Variants in GALNTL6 observed in about 807,000 individuals in gnomAD.
The protein encoded by GALNTL6 is polypeptide N-acetylgalactosaminyltransferase like 6.
Under a neutral mutation model 73.7 loss-of-function variants are expected in GALNTL6, and 46 were observed. The observed-to-expected ratio is 0.62, with a 90% CI of 0.49 to 0.80. GALNTL6 has a LOEUF of 0.80. Ranked by LOEUF, GALNTL6 falls within the 30% of genes least tolerant of loss-of-function variation. GALNTL6 has a pLI of 0.00. For missense variants in GALNTL6, 604 were observed against 755.0 expected (o/e 0.80, Z 2.34); for synonymous variants, 259 against 263.7 (o/e 0.98, Z 0.17).
intron 10 of GALNTL6, among the ~76,000 whole-genome samples, chr4:172,963,781 C>T (rs929113890): frequency 4.6e-5 from 7 of 152,180 alleles, no homozygotes; most frequent in African/African-American, 7.2e-5. Flanking sequence ...CATGAACAGT[C>T]GGGTCTGTGG....
At chr4:172,540,023 G>T (rs1735492328) in intron 5 of GALNTL6, among the ~76,000 whole-genome samples, 2 of 148,434 alleles carry the variant, frequency 1.3e-5, no homozygotes, top group Non-Finnish European at 3.0e-5. Flanking sequence ...AGGTCATACA[G>T]CTAGCAGTGA....
At chr4:172,728,226 A>T (rs1162423648) in intron 5 of GALNTL6, among the ~76,000 whole-genome samples, 1 of 152,174 alleles carries the variant, frequency 6.6e-6, no homozygotes, top group South Asian at 2.1e-4. Flanking sequence ...TGTACAATTC[A>T]GTGGTAATAA....
intron 2 of GALNTL6, among the ~76,000 whole-genome samples, chr4:172,003,270 A>G (rs1299849094): frequency 1.3e-5 from 2 of 152,154 alleles, no homozygotes; most frequent in Admixed American, 1.3e-4. Context: ...CATTACACAC[A>G]TCTATCAAGA....
At chr4:172,748,221 G>A (rs1259449659) in intron 5 of GALNTL6, among the ~76,000 whole-genome samples, 1 of 152,088 alleles carries the variant, frequency 6.6e-6, no homozygotes, top group Non-Finnish European at 1.5e-5. Flanking sequence ...GAGGGTGGAC[G>A]GAGCCTCTCC....
chr4:171,982,342 G>T (rs1470891849), intron 2 of GALNTL6, among the ~76,000 whole-genome samples: 1 of 152,136 alleles, frequency 6.6e-6, no homozygotes, highest in Non-Finnish European at 1.5e-5. Flanking sequence ...CTGTCACCCA[G>T]GCTGGAGTGC....
At chr4:172,687,579 G>A (rs1228839890) in intron 5 of GALNTL6, among the ~76,000 whole-genome samples, 1 of 145,052 alleles carries the variant, frequency 6.9e-6, no homozygotes, top group Non-Finnish European at 1.5e-5. Flanking sequence ...AGTGAGCCAA[G>A]ATCGCGCCAC....
chr4:171,939,071 A>G (rs1738441359), intron 2 of GALNTL6, among the ~76,000 whole-genome samples: 2 of 133,862 alleles, frequency 1.5e-5, no homozygotes, highest in Admixed American at 1.7e-4. Context: ...TGCCTTCACC[A>G]AAAAAACAGA....
At chr4:172,007,723 C>T (rs1467525360) in intron 2 of GALNTL6, among the ~76,000 whole-genome samples, 2 of 152,088 alleles carry the variant, frequency 1.3e-5, no homozygotes. Flanking sequence ...CTATTCTGGG[C>T]ATTTAAATGT....
rs563328903 is a variant in GALNTL6 at position 172,222,899 on chromosome 4, C to T, written c.139-6757C>T. Among the ~76,000 whole-genome samples, 3 of 151,850 alleles carry T rather than the reference C, an allele frequency of 2.0e-5. No homozygotes were observed. In the East Asian group the frequency reaches 5.8e-4, roughly 29 times the overall value. Reference sequence around the variant, plus strand: ...TGATTAAGACTGACATAAGCTTGGCCCGAGTTTTTGGACTAGTAACTGAAG... The same window carrying T: ...TGATTAAGACTGACATAAGCTTGGCTCGAGTTTTTGGACTAGTAACTGAAG... On this transcript the variant is annotated intron_variant, in intron 2 of 12. Transcript: ENST00000506823.
At chr4:171,993,767 C>A (rs574373253) in intron 2 of GALNTL6, among the ~76,000 whole-genome samples, 1 of 151,162 alleles carries the variant, frequency 6.6e-6, no homozygotes, top group South Asian at 2.1e-4. Flanking sequence ...GTGCTGGGAG[C>A]ATGGAAAACT....
At position 172,042,864 on chromosome 4, in the gene GALNTL6, TAAAAAAAAAAAAAAAAA is replaced by T. The variant is rs397996272; in HGVS notation, c.139-186781_139-186765del. On this transcript the variant is annotated intron_variant, in intron 2 of 12. Coordinates refer to ENST00000506823, the MANE Select transcript of GALNTL6 (RefSeq NM_001034845.3). ...GTTCTATCCGAGCAATCTTTAACAG[TAAAAAAAAAAAAAAAAA>T]AAAAAAAAAAGGTAATTATTGTGAT... Among the ~76,000 whole-genome samples, 4 of 44,400 alleles carry T rather than the reference TAAAAAAAAAAAAAAAAA, an allele frequency of 9.0e-5. No individual in the cohort carries two copies. The East Asian group carries it at 2.6e-3, about 29-fold the overall frequency. 29.1% of individuals were successfully genotyped at this position (44,400 alleles called of 152,430 possible). A position where few individuals can be genotyped will look rare whatever the true frequency, so the allele number is the denominator to read the frequency against.
intron 5 of GALNTL6, among the ~76,000 whole-genome samples, chr4:172,735,490 C>T (rs1271170621): frequency 2.0e-5 from 3 of 152,072 alleles, no homozygotes; most frequent in South Asian, 2.1e-4. Context: ...TTTATAGGCT[C>T]GTAGGCAGAA....
chr4:172,587,889 G>A (rs116555399), intron 5 of GALNTL6, among the ~76,000 whole-genome samples: 203 of 152,242 alleles, frequency 1.3e-3, no homozygotes, highest in Admixed American at 3.8e-3. Context: ...GCCCAAGGCT[G>A]GCCATGGCAT....
intron 10 of GALNTL6, among the ~76,000 whole-genome samples, chr4:172,965,510 G>A (rs767315840): frequency 9.9e-5 from 15 of 152,042 alleles, no homozygotes; most frequent in Non-Finnish European, 1.6e-4. Flanking sequence ...GTGAACCCAG[G>A]AGGCAGAGCT....
chr4:171,991,003 A>G (rs1740315682), intron 2 of GALNTL6, among the ~76,000 whole-genome samples: 1 of 152,210 alleles, frequency 6.6e-6, no homozygotes, highest in Non-Finnish European at 1.5e-5. Flanking sequence ...CAAGCTTATG[A>G]CTATCGATGT....
intron 5 of GALNTL6, among the ~76,000 whole-genome samples, chr4:172,358,346 A>G (rs1396222): frequency 0.81 from 122,797 of 152,246 alleles, 50,429 homozygotes; most frequent in Non-Finnish European, 0.88. Flanking sequence ...ATATAGAGAA[A>G]AGACAGCAGG....
intron 5 of GALNTL6, among the ~76,000 whole-genome samples, chr4:172,366,437 T>C (rs1476875931): frequency 6.6e-6 from 1 of 152,188 alleles, no homozygotes; most frequent in Non-Finnish European, 1.5e-5. Flanking sequence ...AGATATATAA[T>C]AATTTTATTC....
In GALNTL6 at chr4:171,915,223, A is replaced by T. The variant is rs546553611; in HGVS notation, c.138+100505A>T. Among the ~76,000 whole-genome samples the T allele has an allele frequency of 3.3e-5, 5 of 152,298 alleles. No homozygotes were observed. The East Asian group carries it at 7.7e-4, about 24-fold the overall frequency. ...TTATGTAATTAATGAGCATTGGAAGACAAAAGACTCCAGCTTTACTTCTGC... is the reference window on the plus strand; with the variant it reads ...TTATGTAATTAATGAGCATTGGAAGTCAAAAGACTCCAGCTTTACTTCTGC... On this transcript the variant is annotated intron_variant, in intron 2 of 12. Coordinates refer to ENST00000506823, the MANE Select transcript of GALNTL6 (RefSeq NM_001034845.3).
At chr4:171,953,078 A>G (rs1266199934) in intron 2 of GALNTL6, among the ~76,000 whole-genome samples, 1 of 152,202 alleles carries the variant, frequency 6.6e-6, no homozygotes, top group East Asian at 1.9e-4. Context: ...GCGTAAGGAC[A>G]TAATGTTGAA....
Sources: allele counts gnomAD v4.1 joint callset (sites outside exome capture counted in the v4.1 genomes callset), GRCh38; gene constraint gnomAD v4.1.1; transcripts MANE v1.5; gene names NCBI Gene and HGNC (gene_info 2026-07-23, HGNC 2026-07-21).